EYA1: variants seen among roughly 807,000 people sequenced by gnomAD.
EYA1 encodes protein phosphatase EYA1.
In EYA1, 16 loss-of-function variants were observed where a neutral mutation model predicts 82.0. The observed-to-expected ratio is 0.20, with a 90% CI of 0.13 to 0.30. The LOEUF (loss-of-function observed/expected upper bound fraction) is 0.30, where lower values mean the gene tolerates loss of function less well. EYA1 is among the 10% of genes least tolerant of loss of function. The pLI, the probability that EYA1 is intolerant of heterozygous loss-of-function variation, is 1.00. For synonymous variants in EYA1, 261 were observed against 264.4 expected, an observed-to-expected ratio of 0.99 and a Z score of 0.12; for missense variants, 633 against 730.7, an observed-to-expected ratio of 0.87 and a Z score of 1.54.
intron 2 of EYA1, among the ~76,000 whole-genome samples, chr8:71,377,535 C>G (rs1259629283): frequency 6.6e-6 from 1 of 152,174 alleles, no homozygotes; most frequent in Non-Finnish European, 1.5e-5. Flanking sequence ...GGACACATTT[C>G]TGCCTTTATC....
upstream of EYA1, among the ~76,000 whole-genome samples, chr8:71,363,050 C>G (rs954073822): frequency 2.6e-5 from 4 of 152,024 alleles, no homozygotes; most frequent in African/African-American, 4.8e-5. Flanking sequence ...ATTTTGTGCT[C>G]TAAAATAAAA....
At chr8:71,241,269 A>T (rs1812454269) in intron 12 of EYA1, among the ~76,000 whole-genome samples, 1 of 152,208 alleles carries the variant, frequency 6.6e-6, no homozygotes, top group Non-Finnish European at 1.5e-5. Context: ...CTTTAAATTA[A>T]AAAAGTCACT....
At chr8:71,474,103 C>T (rs1302264168) in intron 2 of EYA1, among the ~76,000 whole-genome samples, 1 of 150,740 alleles carries the variant, frequency 6.6e-6, no homozygotes, top group Non-Finnish European at 1.5e-5. Flanking sequence ...ATGTAGATGA[C>T]GGGTTGATGG....
At chr8:71,398,953 C>G (rs1563572719) in intron 2 of EYA1, among the ~76,000 whole-genome samples, 1 of 152,222 alleles carries the variant, frequency 6.6e-6, no homozygotes, top group Non-Finnish European at 1.5e-5. Flanking sequence ...CCAGTTCGAG[C>G]TTCCTGGCCG....
At chr8:71,244,322 T>C (rs1812820595) in intron 12 of EYA1, among the ~76,000 whole-genome samples, 1 of 152,244 alleles carries the variant, frequency 6.6e-6, no homozygotes, top group Admixed American at 6.5e-5. Context: ...GGTGATTATG[T>C]AACTGAGAAA....
chr8:71,506,637 T>C (rs1416594297), intron 2 of EYA1, among the ~76,000 whole-genome samples: 1 of 152,210 alleles, frequency 6.6e-6, no homozygotes, highest in Admixed American at 6.5e-5. Flanking sequence ...GATAGATCTT[T>C]GATAAAAGCA....
intron 12 of EYA1, among the ~76,000 whole-genome samples, chr8:71,217,588 C>T (rs1809373132): frequency 6.6e-6 from 1 of 150,806 alleles, no homozygotes; most frequent in South Asian, 2.1e-4. Flanking sequence ...TCTCTGTGTA[C>T]GTGTGTGTGT....
At chr8:71,379,570 A>G (rs1412967702) in intron 2 of EYA1, among the ~76,000 whole-genome samples, 1 of 152,210 alleles carries the variant, frequency 6.6e-6, no homozygotes, top group Non-Finnish European at 1.5e-5. Flanking sequence ...AAGAAGAAAT[A>G]GGATGTGAAA....
chr8:71,339,322 C>A (rs147686630), intron 3 of EYA1, among the ~76,000 whole-genome samples: 1 of 152,090 alleles, frequency 6.6e-6, no homozygotes, highest in African/African-American at 2.4e-5. Context: ...TCAGGATGGG[C>A]AATCTCTCAT....
intron 12 of EYA1, among the ~76,000 whole-genome samples, chr8:71,239,189 G>A (rs1434015924): frequency 6.6e-6 from 1 of 152,116 alleles, no homozygotes; most frequent in African/African-American, 2.4e-5. Flanking sequence ...TAGTTACAAT[G>A]CAGCTAAACT....
intron 2 of EYA1, among the ~76,000 whole-genome samples, chr8:71,523,689 G>C (rs956210663): frequency 7.9e-5 from 12 of 152,156 alleles, no homozygotes; most frequent in African/African-American, 2.7e-4. Flanking sequence ...TAATGGTTCT[G>C]TGAATTATAG....
At position 71,506,962 on chromosome 8, in the gene EYA1, A is replaced by T. The variant is rs572796862; in HGVS notation, c.33+28782T>A. Among the ~76,000 whole-genome samples the T allele has an allele frequency of 2.0e-5, 3 of 152,258 alleles. No individual in the cohort carries two copies. The East Asian group carries it at 5.8e-4, about 29-fold the overall frequency. On this transcript the variant is annotated intron_variant, in intron 2 of 18. Coordinates refer to the EYA1 transcript ENST00000643681. ...TATTAAAAGTTCATAAAAACCCATA[A>T]TACAAAAATCAACAAATAATAGACA...
intron 1 of EYA1, chr8:71,356,828 C>T: frequency 1.1e-6 from 1 of 904,308 alleles, no homozygotes; most frequent in Non-Finnish European, 1.4e-6. Context: ...GCAGCCTTGC[C>T]CAGGCAGCTT....
intron 17 of EYA1, among the ~76,000 whole-genome samples, chr8:71,201,472 G>A (rs531164589): frequency 2.6e-5 from 4 of 152,106 alleles, no homozygotes. Flanking sequence ...TGTGGGCTAA[G>A]AGACACCAGA....
At chr8:71,246,182 T>C (rs1311966532) in intron 11 of EYA1, among the ~76,000 whole-genome samples, 1 of 152,222 alleles carries the variant, frequency 6.6e-6, no homozygotes, top group African/African-American at 2.4e-5. Context: ...AATACCAACT[T>C]TCGTATGTAT....
At chr8:71,263,266 A>G (rs1045362637) in intron 11 of EYA1, among the ~76,000 whole-genome samples, 2 of 152,110 alleles carry the variant, frequency 1.3e-5, no homozygotes, top group African/African-American at 4.8e-5. Context: ...TAGCTTACAA[A>G]GCCTCCCATT....
At chr8:71,256,737 T>C (rs927913634) in intron 11 of EYA1, among the ~76,000 whole-genome samples, 2 of 152,328 alleles carry the variant, frequency 1.3e-5, no homozygotes, top group South Asian at 4.1e-4. Context: ...CGGTGGCTCA[T>C]GCCTATAATC....
chr8:71,356,328 C>T (rs1826874847), intron 2 of EYA1, 134 bp downstream of exon 2: 1 of 731,344 alleles, frequency 1.4e-6, no homozygotes, highest in East Asian at 2.7e-5. Context: ...CAAGCACACA[C>T]ACACAAACTG....
At chr8:71,307,280 C>A (rs1052493208) in intron 7 of EYA1, among the ~76,000 whole-genome samples, 2 of 152,138 alleles carry the variant, frequency 1.3e-5, no homozygotes, top group African/African-American at 4.8e-5. Context: ...TGATATTTAA[C>A]AGATTTTATC....
Sources: allele counts gnomAD v4.1 joint callset (sites outside exome capture counted in the v4.1 genomes callset), GRCh38; gene constraint gnomAD v4.1.1; transcripts MANE v1.5; gene names NCBI Gene and HGNC (gene_info 2026-07-23, HGNC 2026-07-21).